COL15A1: variants seen among roughly 807,000 people sequenced by gnomAD.
COL15A1 encodes collagen type XV alpha 1 chain.
Under a neutral mutation model 165.9 loss-of-function variants are expected in COL15A1, and 111 were observed. The observed-to-expected ratio is 0.67, with a 90% CI of 0.57 to 0.78. The LOEUF (loss-of-function observed/expected upper bound fraction) is 0.78. Ranked by LOEUF, COL15A1 falls within the 30% of genes least tolerant of loss-of-function variation. COL15A1 has a pLI of 0.00. For missense variants in COL15A1, 1,745 were observed against 1,789.7 expected (o/e 0.98, Z 0.45); for synonymous variants, 659 against 674.8 (o/e 0.98, Z 0.36).
At chr9:99,034,697 T>G in intron 17 of COL15A1, 113 bp downstream of exon 17, 1 of 1,446,974 alleles carries the variant, frequency 6.9e-7, no homozygotes, top group Non-Finnish European at 9.1e-7. Flanking sequence ...ATAAATGTCA[T>G]GGAACAGAGA....
intron 16 of COL15A1, among the ~76,000 whole-genome samples, chr9:99,027,059 A>C (rs906041926): frequency 6.6e-6 from 1 of 152,088 alleles, no homozygotes; most frequent in African/African-American, 2.4e-5. Flanking sequence ...TCCTGTCTGC[A>C]AGCCTGTGCT....
intron 26 of COL15A1, among the ~76,000 whole-genome samples, chr9:99,045,466 G>A (rs1346178163): frequency 2.0e-5 from 3 of 152,166 alleles, no homozygotes; most frequent in South Asian, 2.1e-4. Flanking sequence ...CTGGCCTTAC[G>A]GCTCTGGGAA....
intron 2 of COL15A1, among the ~76,000 whole-genome samples, chr9:98,983,501 C>T (rs771097684): frequency 1.3e-5 from 2 of 152,190 alleles, no homozygotes; most frequent in African/African-American, 4.8e-5. Context: ...ATCTCATCTT[C>T]CCAAGGGATA....
intron 2 of COL15A1, among the ~76,000 whole-genome samples, chr9:98,981,592 T>C (rs1319598559): frequency 6.6e-6 from 1 of 152,214 alleles, no homozygotes; most frequent in Non-Finnish European, 1.5e-5. Context: ...TTATATGAGG[T>C]GTAGAACACA....
At chr9:98,944,105 G>A (rs770165221) in intron 1 of COL15A1, 33 bp downstream of exon 1, 2 of 1,614,038 alleles carry the variant, frequency 1.2e-6, no homozygotes, top group African/African-American at 1.3e-5. Context: ...CTCGCGTCCC[G>A]GGCCCCTCCA....
chr9:99,035,481 C>G (rs1839286125), intron 19 of COL15A1, 63 bp downstream of exon 19: 22 of 1,603,486 alleles, frequency 1.4e-5, no homozygotes, highest in African/African-American at 5.3e-5. Flanking sequence ...AGTGAGGAAG[C>G]TGTGGGCTGC....
At chr9:99,042,135 GATTGGGCGC>G (rs768514602) in intron 24 of COL15A1, 28 bp downstream of exon 24, 1 of 1,534,392 alleles carries the variant, frequency 6.5e-7, no homozygotes, top group South Asian at 1.2e-5. Flanking sequence ...ATCTGAGTGA[GATTGGGCGC>G]TGGAATTTGC....
intron 2 of COL15A1, among the ~76,000 whole-genome samples, chr9:98,957,140 G>A (rs1022068943): frequency 1.3e-5 from 2 of 152,200 alleles, no homozygotes; most frequent in African/African-American, 4.8e-5. Flanking sequence ...CGATTATCTG[G>A]TTGGGCCCAA....
At chr9:99,037,751 G>A (rs1839327141) in intron 21 of COL15A1, among the ~76,000 whole-genome samples, 1 of 152,252 alleles carries the variant, frequency 6.6e-6, no homozygotes, top group South Asian at 2.1e-4. Flanking sequence ...CTTCCTAGAG[G>A]AAGTATCTTT....
At chr9:99,001,597 C>T (rs1360130797) in intron 7 of COL15A1, among the ~76,000 whole-genome samples, 2 of 152,126 alleles carry the variant, frequency 1.3e-5, no homozygotes, top group Admixed American at 1.3e-4. Flanking sequence ...CACAGTTTCC[C>T]CCCTTCTATA....
In COL15A1 at chr9:98,989,023, G is replaced by GACACACACACAC. The variant is rs67974914; in HGVS notation, c.724-124_724-113dup. 1.3e-3 allele frequency among the ~76,000 whole-genome samples: 183 copies of GACACACACACAC among 144,392 alleles called. 1 individual carries two copies. The highest frequency in any genetic ancestry group is 3.0e-3 in the South Asian group (13 of 4,328). The allele number at this position is 144,392 out of a possible 152,430, so 94.7% of individuals were successfully genotyped here. A position where few individuals can be genotyped will look rare whatever the true frequency, so the allele number is the denominator to read the frequency against. ...CCTTAACCCCACTCCGTCTCTCATA[G>GACACACACACAC]ACACACACACACACACACACACACA... On this transcript the variant is annotated intron_variant, in intron 4 of 41. Coordinates refer to ENST00000375001, the MANE Select transcript of COL15A1 (RefSeq NM_001855.5).
At chr9:98,975,329 C>T (rs1411070105) in intron 2 of COL15A1, among the ~76,000 whole-genome samples, 1 of 152,228 alleles carries the variant, frequency 6.6e-6, no homozygotes, top group African/African-American at 2.4e-5. Flanking sequence ...AGGCTAGTCC[C>T]GGGCACTGCT....
At chr9:98,973,041 C>T (rs760794360) in intron 2 of COL15A1, among the ~76,000 whole-genome samples, 1 of 152,150 alleles carries the variant, frequency 6.6e-6, no homozygotes, top group Non-Finnish European at 1.5e-5. Flanking sequence ...GCAGAAGGAA[C>T]GGGTAAGAGG....
chr9:98,999,501 A>C (rs1838610818), intron 6 of COL15A1, among the ~76,000 whole-genome samples: 1 of 150,842 alleles, frequency 6.6e-6, no homozygotes, highest in South Asian at 2.1e-4. Flanking sequence ...ATGGTAGTAC[A>C]ACTTCTTTTT....
intron 6 of COL15A1, among the ~76,000 whole-genome samples, chr9:98,998,845 G>A (rs995670492): frequency 2.0e-5 from 3 of 152,214 alleles, no homozygotes; most frequent in African/African-American, 7.2e-5. Flanking sequence ...GAAAGCAATG[G>A]AGCTAGCCAA....
At position 99,035,000 on chromosome 9, in the gene COL15A1, C is replaced by T. The variant is rs1764346795; in HGVS notation, c.2080-14C>T. 6.2e-7 allele frequency: 1 copy of T among 1,610,178 alleles called. No homozygotes were observed. Among genetic ancestry groups the T allele is most frequent in the South Asian group, 1.1e-5 (1 of 91,010 alleles). ...ACCCAGGGCTAGATAATCAGCCTGCCCTCTTTCCTACAGGGTGACCCTGGC... is the reference window on the plus strand; with the variant it reads ...ACCCAGGGCTAGATAATCAGCCTGCTCTCTTTCCTACAGGGTGACCCTGGC... On this transcript the variant is annotated splice_polypyrimidine_tract_variant and intron_variant, in intron 17 of 41. Transcript: ENST00000375001.
Position 99,033,111 on chromosome 9 carries a change from G to T in COL15A1, c.2044-1438G>T, listed in dbSNP as rs1042963949. Among the ~76,000 whole-genome samples the T allele has an allele frequency of 1.8e-4, 28 of 152,166 alleles. 1 individual carries two copies. The highest frequency in any genetic ancestry group is 6.8e-4 in the African/African-American group (28 of 41,428). Reference sequence around the variant, plus strand: ...TCTTGTGTGTTTACTTGTGAAATTGGGATCCTGCCTGAGTCTGTTTTCTGC... The same window carrying T: ...TCTTGTGTGTTTACTTGTGAAATTGTGATCCTGCCTGAGTCTGTTTTCTGC... On this transcript the variant is annotated intron_variant, in intron 16 of 41. Coordinates refer to ENST00000375001, the MANE Select transcript of COL15A1 (RefSeq NM_001855.5).
At position 99,062,445 on chromosome 9, in the gene COL15A1, A is replaced by C. The variant is rs912770752; in HGVS notation, c.3591+141A>C. The C allele has an allele frequency of 4.4e-6, 3 of 688,526 alleles. No homozygotes were observed. The African/African-American group carries it at 5.3e-5, about 12-fold the overall frequency. 42.7% of individuals were successfully genotyped at this position (688,526 alleles called of 1,614,324 possible). Reference sequence around the variant, plus strand: ...AGTATCTGGTGAAATCCTAGAAATTAATGGGTGCTAACAGGAGGTTCCCAC... The same window carrying C: ...AGTATCTGGTGAAATCCTAGAAATTCATGGGTGCTAACAGGAGGTTCCCAC... On this transcript the variant is annotated intron_variant, in intron 38 of 41. Coordinates refer to ENST00000375001, the MANE Select transcript of COL15A1 (RefSeq NM_001855.5).
intron 2 of COL15A1, among the ~76,000 whole-genome samples, chr9:98,958,327 G>A (rs1290046466): frequency 1.3e-5 from 2 of 152,166 alleles, no homozygotes; most frequent in African/African-American, 2.4e-5. Context: ...GCAGTGATTC[G>A]GCTCAGCTCT....
Sources: gnomAD v4.1 joint callset for allele counts (sites outside exome capture counted in the v4.1 genomes callset) on GRCh38, gnomAD v4.1.1 for gene constraint, MANE v1.5 for transcripts, NCBI Gene and HGNC (gene_info 2026-07-23, HGNC 2026-07-21) for gene names.